RNF150: variants seen among roughly 807,000 people sequenced by gnomAD.
RNF150 encodes ring finger protein 150.
RNF150 carries 24 observed loss-of-function variants against 39.3 expected under a neutral mutation model. The ratio of observed to expected loss-of-function variants is 0.61; its 90% confidence interval spans 0.44 to 0.86. RNF150 has a LOEUF of 0.86. Ranked by LOEUF, RNF150 falls within the 40% of genes least tolerant of loss-of-function variation. The probability of loss-of-function intolerance (pLI) is 0.00; values close to 1 mark genes in which losing one functional copy is unlikely to be tolerated. For missense variants in RNF150, 502 were observed against 587.8 expected, an observed-to-expected ratio of 0.85 and a Z score of 1.51; for synonymous variants, 255 against 227.3, an observed-to-expected ratio of 1.12 and a Z score of -1.10.
At chr4:140,985,110 C>T (rs1189072125) in intron 1 of RNF150, among the ~76,000 whole-genome samples, 1 of 152,152 alleles carries the variant, frequency 6.6e-6, no homozygotes, top group Non-Finnish European at 1.5e-5. Flanking sequence ...TAAATACCAG[C>T]TATAATGGCT....
chr4:141,053,659 A>G (rs1736861287), intron 1 of RNF150: 3 of 1,362,716 alleles, frequency 2.2e-6, no homozygotes, highest in Admixed American at 2.9e-5. Flanking sequence ...TAGAGGCTAA[A>G]GCATACCTGA....
intron 5 of RNF150, among the ~76,000 whole-genome samples, chr4:140,921,046 A>G (rs13130687): frequency 0.97 from 146,344 of 150,164 alleles, 71,435 homozygotes; most frequent in South Asian, 1. Flanking sequence ...GTGGCGTGGG[A>G]GGAGGGATAG....
At chr4:140,936,569 G>C (rs1731870659) in intron 4 of RNF150, among the ~76,000 whole-genome samples, 1 of 152,022 alleles carries the variant, frequency 6.6e-6, no homozygotes, top group Non-Finnish European at 1.5e-5. Context: ...TCTTGATAGG[G>C]AAGGATTAAA....
Position 140,947,662 on chromosome 4 carries a change from C to T in RNF150, c.882G>A (p.Leu294=). The part of the protein sequence containing the change: ...GYKPNDVVRI[L]PCRHLFHKSC... ...GCAGCCTAGTGACTCACCGGCAGGG[C>T]AGGATCCGGACAACGTCATTGGGCT... Residue 294 remains leucine, a synonymous_variant, in exon 4 of 7, where the codon CTG becomes CTA. Transcript: ENST00000515673. 1 of 1,610,388 alleles carries T rather than the reference C, an allele frequency of 6.2e-7. No individual in the cohort carries two copies. The highest frequency in any genetic ancestry group is 8.5e-7 in the Non-Finnish European group (1 of 1,178,276).
At chr4:140,983,979 A>T (rs1171576461) in intron 1 of RNF150, among the ~76,000 whole-genome samples, 5 of 151,908 alleles carry the variant, frequency 3.3e-5, no homozygotes, top group African/African-American at 1.2e-4. Flanking sequence ...GCCTCAAGTG[A>T]TCTGCTCACT....
intron 1 of RNF150, among the ~76,000 whole-genome samples, chr4:141,001,012 C>T (rs1734648529): frequency 1.3e-5 from 2 of 152,136 alleles, no homozygotes; most frequent in African/African-American, 4.8e-5. Flanking sequence ...AAGAATTAAA[C>T]AAATCAGCGT....
At chr4:141,084,924 T>C (rs1738301790) in intron 1 of RNF150, among the ~76,000 whole-genome samples, 1 of 152,200 alleles carries the variant, frequency 6.6e-6, no homozygotes, top group South Asian at 2.1e-4. Flanking sequence ...ACTTTGTGAC[T>C]TCCTTTGCCA....
intron 4 of RNF150, among the ~76,000 whole-genome samples, chr4:140,939,863 G>A (rs1459479258): frequency 1.3e-5 from 2 of 152,126 alleles, no homozygotes; most frequent in Non-Finnish European, 2.9e-5. Context: ...TACTCCAAAC[G>A]TTGAGTCATC....
chr4:141,004,610 G>C (rs148648763), intron 1 of RNF150, among the ~76,000 whole-genome samples: 562 of 152,324 alleles, frequency 3.7e-3, no homozygotes, highest in African/African-American at 0.013. Flanking sequence ...GGTGAGTATG[G>C]AGACAGGATT....
intron 1 of RNF150, among the ~76,000 whole-genome samples, chr4:141,168,467 T>C (rs1727640288): frequency 6.6e-6 from 1 of 152,162 alleles, no homozygotes; most frequent in Non-Finnish European, 1.5e-5. Flanking sequence ...GGATTATAAA[T>C]CATGCTACTA....
At chr4:141,078,055 A>G (rs1471721003) in intron 1 of RNF150, among the ~76,000 whole-genome samples, 3 of 152,222 alleles carry the variant, frequency 2.0e-5, no homozygotes, top group African/African-American at 7.2e-5. Context: ...TTGAAACCTA[A>G]GAGTCCCAAG....
chr4:141,125,010 A>G (rs1382270581), intron 1 of RNF150, among the ~76,000 whole-genome samples: 1 of 152,218 alleles, frequency 6.6e-6, no homozygotes, highest in Non-Finnish European at 1.5e-5. Context: ...TCTAAATACC[A>G]CTATATATTA....
chr4:140,916,046 C>T (rs1440638326), intron 5 of RNF150, among the ~76,000 whole-genome samples: 2 of 152,112 alleles, frequency 1.3e-5, no homozygotes, highest in Non-Finnish European at 2.9e-5. Context: ...CCCATCTGTA[C>T]GTCCCCATCA....
At chr4:140,870,913 G>A (rs1234671959) in intron 6 of RNF150, among the ~76,000 whole-genome samples, 2 of 151,624 alleles carry the variant, frequency 1.3e-5, no homozygotes, top group Non-Finnish European at 2.9e-5. Context: ...GACTGGGAGT[G>A]GCTTCATATG....
chr4:141,144,893 C>T (rs1727175915), intron 1 of RNF150, among the ~76,000 whole-genome samples: 1 of 152,102 alleles, frequency 6.6e-6, no homozygotes, highest in Non-Finnish European at 1.5e-5. Context: ...AACCAAGATG[C>T]TCCAGTAACA....
At chr4:141,183,603 T>C (rs751259105) in intron 1 of RNF150, among the ~76,000 whole-genome samples, 1 of 152,106 alleles carries the variant, frequency 6.6e-6, no homozygotes, top group Non-Finnish European at 1.5e-5. Context: ...TTGTTATATA[T>C]GTATACATGT....
chr4:141,124,458 G>A (rs1325298072), intron 1 of RNF150, among the ~76,000 whole-genome samples: 2 of 152,210 alleles, frequency 1.3e-5, no homozygotes, highest in African/African-American at 4.8e-5. Context: ...GGATTTCTGG[G>A]AGGAAGAACA....
At position 141,100,957 on chromosome 4, in the gene RNF150, G is replaced by C. The variant is rs949243836; in HGVS notation, c.484+31368C>G. Among the ~76,000 whole-genome samples, 3 of 152,290 alleles carry C rather than the reference G, an allele frequency of 2.0e-5. No homozygotes were observed. The East Asian group carries it at 5.8e-4, about 29-fold the overall frequency. On this transcript the variant is annotated intron_variant, in intron 1 of 6. Transcript: ENST00000515673. ...AGATTTAAAATGGTACACCCGTTTAGGGCACTAATCATGAATGGCGCTTCT... is the reference window on the plus strand; with the variant it reads ...AGATTTAAAATGGTACACCCGTTTACGGCACTAATCATGAATGGCGCTTCT...
At chr4:140,999,618 G>T (rs1439267200) in intron 1 of RNF150, among the ~76,000 whole-genome samples, 1 of 152,098 alleles carries the variant, frequency 6.6e-6, no homozygotes, top group African/African-American at 2.4e-5. Context: ...TCAGATAACT[G>T]AACTTGTACT....
Sources: allele counts gnomAD v4.1 joint callset (sites outside exome capture counted in the v4.1 genomes callset), GRCh38; gene constraint gnomAD v4.1.1; transcripts MANE v1.5; gene names NCBI Gene and HGNC (gene_info 2026-07-23, HGNC 2026-07-21).